The following DKK2 variants were observed in gnomAD, a reference collection of about 807,000 sequenced individuals.
DKK2 encodes dickkopf Wnt signaling pathway inhibitor 2.
A neutral mutation model predicts 28.1 loss-of-function variants in DKK2; 11 were observed. That is an observed-to-expected ratio of 0.39 (90% CI 0.25 to 0.65). DKK2 has a LOEUF of 0.65. Among genes scored for constraint, DKK2 ranks in the 30% least tolerant of loss-of-function variants. The pLI is 0.47. For missense variants in DKK2, 326 were observed against 335.5 expected, an observed-to-expected ratio of 0.97 and a Z score of 0.22; for synonymous variants, 135 against 126.5, an observed-to-expected ratio of 1.07 and a Z score of -0.45.
At chr4:106,963,732 A>T (rs1327947348) in intron 1 of DKK2, among the ~76,000 whole-genome samples, 1 of 152,210 alleles carries the variant, frequency 6.6e-6, no homozygotes, top group Admixed American at 6.5e-5. Context: ...TTGAACTCCC[A>T]TGTTTATTAC....
intron 1 of DKK2, among the ~76,000 whole-genome samples, chr4:106,927,256 T>G (rs1314242263): frequency 6.6e-6 from 1 of 152,130 alleles, no homozygotes; most frequent in Non-Finnish European, 1.5e-5. Flanking sequence ...TTTATTTCTT[T>G]TACTCTTTCC....
intron 1 of DKK2, among the ~76,000 whole-genome samples, chr4:106,964,941 T>TAAGA (rs1560581546): frequency 3.4e-5 from 5 of 147,310 alleles, no homozygotes; most frequent in Non-Finnish European, 7.5e-5. Context: ...AGATGATAGA[T>TAAGA]TAGATATAGA....
chr4:106,941,197 G>T (rs941627180), intron 1 of DKK2, among the ~76,000 whole-genome samples: 2 of 152,012 alleles, frequency 1.3e-5, no homozygotes, highest in African/African-American at 2.4e-5. Context: ...CTACCTAACT[G>T]ATCCTTTTCT....
At chr4:106,924,426 A>G in intron 3 of DKK2, 119 bp downstream of exon 3, 1 of 1,335,726 alleles carries the variant, frequency 7.5e-7, no homozygotes, top group African/African-American at 1.5e-5. Context: ...AAGTTTAATG[A>G]CTAGCTAGGA....
intron 1 of DKK2, among the ~76,000 whole-genome samples, chr4:106,996,860 T>A (rs1723279088): frequency 1.3e-5 from 2 of 152,112 alleles, no homozygotes; most frequent in Non-Finnish European, 2.9e-5. Context: ...ATGTTAAAAA[T>A]AAATCATTGA....
intron 1 of DKK2, among the ~76,000 whole-genome samples, chr4:107,003,729 A>T (rs539086469): frequency 6.6e-6 from 1 of 152,356 alleles, no homozygotes; most frequent in South Asian, 2.1e-4. Flanking sequence ...CATCAGTAGT[A>T]TAAAACTAAC....
chr4:107,035,326 C>T (rs775506471), intron 1 of DKK2, 44 bp downstream of exon 1: 33 of 1,603,650 alleles, frequency 2.1e-5, no homozygotes, highest in Non-Finnish European at 2.8e-5. Flanking sequence ...GAGAGCTGGC[C>T]CCTGCCTCTT....
At chr4:107,032,508 C>T (rs1347247299) in intron 1 of DKK2, among the ~76,000 whole-genome samples, 4 of 151,970 alleles carry the variant, frequency 2.6e-5, no homozygotes, top group Non-Finnish European at 5.9e-5. Context: ...TGTAGATTAA[C>T]GAATTACTAA....
intron 1 of DKK2, among the ~76,000 whole-genome samples, chr4:106,971,796 G>A (rs978608412): frequency 2.0e-5 from 3 of 152,008 alleles, no homozygotes; most frequent in Admixed American, 6.6e-5. Context: ...CTCTAAGCTT[G>A]GCACCACATC....
At chr4:106,961,263 C>A (rs1218605799) in intron 1 of DKK2, among the ~76,000 whole-genome samples, 1 of 151,994 alleles carries the variant, frequency 6.6e-6, no homozygotes, top group Non-Finnish European at 1.5e-5. Flanking sequence ...AAATTGTAAT[C>A]CGAAATTCAC....
intron 1 of DKK2, among the ~76,000 whole-genome samples, chr4:107,000,988 C>A (rs1723351443): frequency 6.6e-6 from 1 of 151,830 alleles, no homozygotes; most frequent in African/African-American, 2.4e-5. Context: ...CTAAGGATGA[C>A]TGTTCTATGG....
intron 1 of DKK2, among the ~76,000 whole-genome samples, chr4:107,011,675 A>ATGTGTGTG: frequency 6.7e-6 from 1 of 150,228 alleles, no homozygotes; most frequent in African/African-American, 2.4e-5. Context: ...GGAAATTAGC[A>ATGTGTGTG]TATATCTTTG....
chr4:107,036,273 C>A lies in DKK2; in HGVS notation c.-682G>T, dbSNP rs1014295406. ...CAGCGATGCCTAGGGAGCGGACTTG[C>A]GCTACGCTCGCCGCGGGCTCCCGCT... On this transcript the variant is annotated 5_prime_UTR_variant, in exon 1 of 4. Transcript: ENST00000285311. The A allele has an allele frequency of 1.3e-5, 2 of 152,266 alleles. No homozygotes were observed. Among genetic ancestry groups the A allele is most frequent in the Non-Finnish European group, 2.9e-5 (2 of 68,194 alleles). The allele number at this position is 152,266 out of a possible 1,614,324, so 9.4% of individuals were successfully genotyped here. A position where few individuals can be genotyped will look rare whatever the true frequency, so the allele number is the denominator to read the frequency against.
intron 1 of DKK2, among the ~76,000 whole-genome samples, chr4:106,936,518 T>C (rs1365098713): frequency 6.6e-6 from 1 of 152,112 alleles, no homozygotes; most frequent in Non-Finnish European, 1.5e-5. Flanking sequence ...ATGGGGAGAA[T>C]GGAACCAAGT....
chr4:106,987,267 T>A (rs1244590530), intron 1 of DKK2, among the ~76,000 whole-genome samples: 1 of 152,212 alleles, frequency 6.6e-6, no homozygotes, highest in African/African-American at 2.4e-5. Context: ...TAAACCAGAT[T>A]GTGAGCTCTT....
At chr4:106,924,468 A>G in intron 3 of DKK2, 77 bp downstream of exon 3, 2 of 1,506,532 alleles carry the variant, frequency 1.3e-6, no homozygotes, top group Non-Finnish European at 8.9e-7. Flanking sequence ...TTTTTCTAAA[A>G]CCAATGGAAT....
chr4:106,950,518 TCTCA>T (rs3083816), intron 1 of DKK2, among the ~76,000 whole-genome samples: 43,617 of 151,652 alleles, frequency 0.29, 6,454 homozygotes, highest in African/African-American at 0.37. Context: ...TGGTTTTGCA[TCTCA>T]CTCAGCGTGA....
intron 1 of DKK2, among the ~76,000 whole-genome samples, chr4:106,970,124 C>A (rs938987448): frequency 6.6e-6 from 1 of 152,088 alleles, no homozygotes; most frequent in Non-Finnish European, 1.5e-5. Flanking sequence ...TTACCTTTGA[C>A]AATTGTTTAG....
At chr4:106,925,719 G>C (rs1724414928) in intron 2 of DKK2, 80 bp downstream of exon 2, 1 of 1,507,130 alleles carries the variant, frequency 6.6e-7, no homozygotes, top group Non-Finnish European at 8.9e-7. Flanking sequence ...TCTGAGTAAG[G>C]AGACGATAGC....
Sources: allele counts gnomAD v4.1 joint callset (sites outside exome capture counted in the v4.1 genomes callset), GRCh38; gene constraint gnomAD v4.1.1; transcripts MANE v1.5; gene names NCBI Gene and HGNC (gene_info 2026-07-23, HGNC 2026-07-21).